MMP11: variants seen among roughly 807,000 people sequenced by gnomAD.
The protein encoded by MMP11 is matrix metallopeptidase 11.
A neutral mutation model predicts 49.5 loss-of-function variants in MMP11; 26 were observed. The ratio of observed to expected loss-of-function variants is 0.52; its 90% CI spans 0.38 to 0.73. MMP11 has a LOEUF of 0.73. Among genes scored for constraint, MMP11 ranks in the 30% least tolerant of loss-of-function variants. The pLI is 0.00. For synonymous variants in MMP11, 265 were observed against 282.3 expected (o/e 0.94, Z 0.62); for missense variants, 624 against 671.2 (o/e 0.93, Z 0.78).
rs1325899869 is a variant in MMP11 at position 23,782,396 on chromosome 22, C to T, written c.1246C>T (p.Arg416Trp). 6.8e-6 allele frequency: 11 copies of T among 1,613,824 alleles called. No homozygotes were observed. Among genetic ancestry groups the T allele is most frequent in the Middle Eastern group, 1.6e-4 (1 of 6,084 alleles). The change falls in exon 7 of 8, where the codon CGG (arginine) becomes TGG (tryptophan). Residue 416 changes from arginine to tryptophan, a missense_variant. Coordinates refer to ENST00000215743, the MANE Select transcript of MMP11 (RefSeq NM_005940.5). ...CTACTGGCGTTTCCACCCCAGCACC[C>T]GGCGTGTAGACAGTCCCGTGCCCCG... ...RDYWRFHPST[R>W]RVDSPVPRRA... is the part of the protein sequence containing the mutation.
chr22:23,772,987 C>A lies in MMP11; in HGVS notation c.108+9C>A. The A allele has an allele frequency of 8.4e-7, 1 of 1,184,674 alleles. No homozygotes were observed. The highest frequency in any genetic ancestry group is 3.5e-5 in the South Asian group (1 of 28,600). The allele number at this position is 1,184,674 out of a possible 1,614,324, so 73.4% of individuals were successfully genotyped here. A position where few individuals can be genotyped will look rare whatever the true frequency, so the allele number is the denominator to read the frequency against. ...CCCGGGCTCTGCCGCCGGTGAGTGCCCGCCACTCGCCGGCCGCTCCTCGCT... is the reference window on the plus strand; with the variant it reads ...CCCGGGCTCTGCCGCCGGTGAGTGCACGCCACTCGCCGGCCGCTCCTCGCT... On this transcript the variant is annotated intron_variant, in intron 1 of 7. Coordinates refer to ENST00000215743, the MANE Select transcript of MMP11 (RefSeq NM_005940.5).
chr22:23,780,935 C>T lies in MMP11; in HGVS notation c.693C>T (p.Ala231=), dbSNP rs1200604274. The change falls in exon 5 of 8, where the codon GCC becomes GCT. Residue 231 remains alanine (A), a synonymous_variant. Coordinates refer to ENST00000215743, the MANE Select transcript of MMP11 (RefSeq NM_005940.5). The surrounding 1 kb of genome is among the most constrained non-coding windows in gnomAD (Gnocchi z 4.6). ...LGLQHTTAAK[A]LMSAFYTFRY... ...TGCAGCACACAACAGCAGCCAAGGC[C>T]CTGATGTCCGCCTTCTACACCTTTC... The T allele has an allele frequency of 2.5e-6, 4 of 1,613,912 alleles. No homozygotes were observed. Among genetic ancestry groups the T allele is most frequent in the Non-Finnish European group, 3.4e-6 (4 of 1,180,022 alleles).
chr22:23,773,329 A>G (rs1013945142), intron 1 of MMP11, among the ~76,000 whole-genome samples: 2 of 152,158 alleles, frequency 1.3e-5, no homozygotes, highest in African/African-American at 4.8e-5. Flanking sequence ...TATTCATCGC[A>G]GGGACAAAGC....
Position 23,781,311 on chromosome 22 carries a change from C to T in MMP11, c.977C>T (p.Pro326Leu). 6.2e-7 allele frequency: 1 copy of T among 1,613,158 alleles called. No homozygotes were observed. Among genetic ancestry groups the T allele is most frequent in the Non-Finnish European group, 8.5e-7 (1 of 1,179,986 alleles). The change falls in exon 6 of 8, where the codon CCC (proline) becomes CTC (leucine). Residue 326 changes from proline to leucine, a missense_variant. Pro to Leu is a moderately conservative substitution (Grantham distance 98). Coordinates refer to ENST00000215743, the MANE Select transcript of MMP11 (RefSeq NM_005940.5). ...VWRLRGGQLQ[P>L]GYPALASRHW... is the part of the protein sequence containing the mutation. ...CGCCTCCGTGGGGGCCAGCTGCAGC[C>T]CGGCTACCCAGCATTGGCCTCTCGC...
chr22:23,772,984 TGCCCGCCACTCGCCG>T lies in MMP11; in HGVS notation c.108+10_108+24del, dbSNP rs1927285969. The stretch of plus-strand genomic sequence containing the variant: ...TGGCCCGGGCTCTGCCGCCGGTGAG[TGCCCGCCACTCGCCG>T]GCCGCTCCTCGCTGAGGGGGCGCCG... On this transcript the variant is annotated splice_region_variant and intron_variant, in intron 1 of 7. Coordinates refer to ENST00000215743, the MANE Select transcript of MMP11 (RefSeq NM_005940.5). The T allele has an allele frequency of 3.4e-6, 4 of 1,186,788 alleles. No homozygotes were observed. The highest frequency in any genetic ancestry group is 4.2e-6 in the Non-Finnish European group (4 of 958,894). The allele number at this position is 1,186,788 out of a possible 1,614,324, so 73.5% of individuals were successfully genotyped here.
At chr22:23,782,043 C>T (rs1412367826) in intron 6 of MMP11, 183 bp from the exon 7 acceptor site, 6 of 870,476 alleles carry the variant, frequency 6.9e-6, no homozygotes, top group Non-Finnish European at 1.1e-5. Flanking sequence ...ACTGCCCCAG[C>T]TTATCCCAGG....
intron 1 of MMP11, 109 bp downstream of exon 1, chr22:23,773,087 C>A: frequency 9.5e-7 from 1 of 1,049,858 alleles, no homozygotes; most frequent in Non-Finnish European, 1.2e-6. Context: ...TGGCCTCCAG[C>A]GCCCGGTACC....
intron 1 of MMP11, among the ~76,000 whole-genome samples, chr22:23,776,809 C>CT (rs539828847): frequency 0.2 from 27,912 of 138,968 alleles, 2,938 homozygotes; most frequent in Middle Eastern, 0.35. Context: ...GTGCTAAGTA[C>CT]TTTTTTTTTT....
chr22:23,779,256 G>C lies in MMP11; in HGVS notation c.178G>C (p.Ala60Pro), dbSNP rs1425653274. 6.2e-6 allele frequency: 10 copies of C among 1,609,032 alleles called. No homozygotes were observed. Among genetic ancestry groups the C allele is most frequent in the Non-Finnish European group, 8.5e-6 (10 of 1,178,478 alleles). Residue 60 changes from alanine (A) to proline (P), a missense_variant, in exon 2 of 8, where the codon GCA becomes CCA. Coordinates refer to ENST00000215743, the MANE Select transcript of MMP11 (RefSeq NM_005940.5). ...GCATGCAGCCCTGCCCAGTAGCCCG[G>C]CACCTGCCCCTGCCACGCAGGAAGC... is the stretch of plus-strand genomic sequence containing the variant. ...PWHAALPSSP[A>P]PAPATQEAPR...
intron 7 of MMP11, chr22:23,782,729 A>C: frequency 1.7e-6 from 1 of 588,286 alleles, no homozygotes; most frequent in Non-Finnish European, 3.0e-6. Context: ...CCAGTAGAAC[A>C]ATAAACTGCT....
In MMP11 at chr22:23,780,522, C is replaced by T; in HGVS notation, c.482+20C>T. 6.2e-7 allele frequency: 1 copy of T among 1,613,496 alleles called. No individual in the cohort carries two copies. Among genetic ancestry groups the T allele is most frequent in the Non-Finnish European group, 8.5e-7 (1 of 1,179,944 alleles). On this transcript the variant is annotated intron_variant, in intron 3 of 7. Transcript: ENST00000215743. The surrounding 1 kb of genome is among the most constrained non-coding windows in gnomAD (Gnocchi z 4.6). Reference sequence around the variant, plus strand: ...CGCCAGGTGAATGGGCGGCCTGGGACCCCTCCGGGAACAGCCTCGCCTGCC... The same window carrying T: ...CGCCAGGTGAATGGGCGGCCTGGGATCCCTCCGGGAACAGCCTCGCCTGCC...
rs750927972 is a variant in MMP11, at chr22:23,780,526, TC to T, written c.482+26del. The stretch of plus-strand genomic sequence containing the variant: ...AGGTGAATGGGCGGCCTGGGACCCC[TC>T]CGGGAACAGCCTCGCCTGCCAGCAG... On this transcript the variant is annotated intron_variant, in intron 3 of 7. Coordinates refer to ENST00000215743, the MANE Select transcript of MMP11 (RefSeq NM_005940.5). This position sits in a 1 kb window ranked among gnomAD's most constrained non-coding sequence, Gnocchi z 4.6. The T allele has an allele frequency of 1.9e-6, 3 of 1,613,108 alleles. No homozygotes were observed. Among genetic ancestry groups the T allele is most frequent in the South Asian group, 2.2e-5 (2 of 91,066 alleles).
In MMP11 at chr22:23,784,267, CTT is replaced by C. The variant is rs56393727; in HGVS notation, c.*735_*736del. 752 of 148,222 alleles carry C rather than the reference CTT, an allele frequency of 5.1e-3. 2 individuals are homozygous for C. The highest frequency in any genetic ancestry group is 6.8e-3 in the Middle Eastern group (2 of 292). 9.2% of individuals were successfully genotyped at this position (148,222 alleles called of 1,614,324 possible). A position where few individuals can be genotyped will look rare whatever the true frequency, so the allele number is the denominator to read the frequency against. Reference sequence around the variant, plus strand: ...TACAGTGTGTATAAACCTTCTTCTTCTTTTTTTTTTTTTAAACTGAGGATTGT... The same window carrying C: ...TACAGTGTGTATAAACCTTCTTCTTCTTTTTTTTTTTAAACTGAGGATTGT... On this transcript the variant is annotated 3_prime_UTR_variant, in exon 8 of 8. Coordinates refer to ENST00000215743, the MANE Select transcript of MMP11 (RefSeq NM_005940.5).
chr22:23,779,710 A>G (rs1238781433), intron 2 of MMP11: 1 of 490,634 alleles, frequency 2.0e-6, no homozygotes, highest in Non-Finnish European at 3.7e-6. Context: ...CAGCCTTTAC[A>G]AGAGACCTGT....
chr22:23,781,189 C>A lies in MMP11; in HGVS notation c.859-4C>A, dbSNP rs28363663. ...TCAGCATGTGTCCCTCTCTCCCACC[C>A]CAGCCAGACGCCCCGCCAGATGCCT... On this transcript the variant is annotated splice_polypyrimidine_tract_variant and splice_region_variant and intron_variant, in intron 5 of 7. Coordinates refer to ENST00000215743, the MANE Select transcript of MMP11 (RefSeq NM_005940.5). 0.011 allele frequency: 17,542 copies of A among 1,611,232 alleles called. 584 individuals are homozygous for A. The highest frequency in any genetic ancestry group is 0.098 in the South Asian group (8,890 of 91,080).
intron 1 of MMP11, 69 bp from the exon 2 acceptor site, chr22:23,779,118 C>A (rs1313423886): frequency 3.1e-6 from 4 of 1,277,684 alleles, no homozygotes; most frequent in Non-Finnish European, 4.3e-6. Flanking sequence ...TGCTGACAGG[C>A]CACATCTCTA....
At chr22:23,773,967 A>C (rs1254721698) in intron 1 of MMP11, among the ~76,000 whole-genome samples, 1 of 151,154 alleles carries the variant, frequency 6.6e-6, no homozygotes, top group Non-Finnish European at 1.5e-5. Context: ...TGGCTATGGG[A>C]GCAGAAAGGG....
intron 6 of MMP11, 155 bp downstream of exon 6, chr22:23,781,564 C>A (rs528646914): frequency 1.4e-6 from 1 of 739,658 alleles, no homozygotes; most frequent in Non-Finnish European, 2.2e-6. Context: ...GTGGTTTGTT[C>A]CTCAGGCACA....
At chr22:23,773,046 G>C in intron 1 of MMP11, 68 bp downstream of exon 1, 1 of 1,131,040 alleles carries the variant, frequency 8.8e-7, no homozygotes, top group Non-Finnish European at 1.1e-6. Context: ...TGGGCCCAGC[G>C]GCGGATCCGG....
Sources: allele counts gnomAD v4.1 joint callset (sites outside exome capture counted in the v4.1 genomes callset), GRCh38; gene constraint gnomAD v4.1.1; non-coding constraint Gnocchi (gnomAD v3.1); transcripts MANE v1.5; gene names NCBI Gene and HGNC (gene_info 2026-07-23, HGNC 2026-07-21).